Variants in PRR5 observed in about 807,000 individuals in gnomAD.
PRR5 encodes proline-rich protein 5.
PRR5 carries 25 observed loss-of-function variants against 30.6 expected under a neutral mutation model. The ratio of observed to expected loss-of-function variants is 0.82; its 90% CI spans 0.60 to 1.14. The LOEUF is 1.14. PRR5 is among the 50% of genes most tolerant of loss of function. PRR5 has a pLI of 0.00. For missense variants in PRR5, 600 were observed against 547.1 expected, an observed-to-expected ratio of 1.10 and a Z score of -0.96; for synonymous variants, 286 against 247.1, an observed-to-expected ratio of 1.16 and a Z score of -1.48.
At chr22:44,707,599 C>T (rs1053516672) in intron 1 of PRR5, among the ~76,000 whole-genome samples, 3 of 152,230 alleles carry the variant, frequency 2.0e-5, no homozygotes, top group Non-Finnish European at 4.4e-5. Context: ...CCAAAAGATG[C>T]CCCAGACCCA....
At chr22:44,695,351 G>A (rs1925649393) in intron 1 of PRR5, among the ~76,000 whole-genome samples, 2 of 152,184 alleles carry the variant, frequency 1.3e-5, no homozygotes, top group Non-Finnish European at 2.9e-5. Flanking sequence ...ATTGTTTTGA[G>A]ATAATTGTCC....
In PRR5 at chr22:44,702,405, C is replaced by A. The variant is rs1926464294; in HGVS notation, c.-70C>A. Reference sequence around the variant, plus strand: ...AGAGGGCGCATCGCCGGCCCGGGGCCCTTGGTGCGGCGTGGCGCAGGGCGC... The same window carrying A: ...AGAGGGCGCATCGCCGGCCCGGGGCACTTGGTGCGGCGTGGCGCAGGGCGC... On this transcript the variant is annotated 5_prime_UTR_variant, in exon 1 of 8. Transcript: ENST00000336985. 3 of 1,231,516 alleles carry A rather than the reference C, an allele frequency of 2.4e-6. No homozygotes were observed. Among genetic ancestry groups the A allele is most frequent in the Non-Finnish European group, 3.0e-6 (3 of 985,316 alleles). The allele number at this position is 1,231,516 out of a possible 1,614,324, so 76.3% of individuals were successfully genotyped here.
At chr22:44,729,800 C>T (rs73173644) in intron 4 of PRR5, 32,041 of 985,484 alleles carry the variant, frequency 0.033, 573 homozygotes, top group Non-Finnish European at 0.036. Flanking sequence ...GCATTTCCGC[C>T]CCGTGGGCTG....
intron 4 of PRR5, chr22:44,731,380 C>CA (rs1158577828): frequency 2.6e-6 from 1 of 386,332 alleles, no homozygotes; most frequent in East Asian, 5.5e-5. Flanking sequence ...GTGTGGCTCT[C>CA]ACTTGTGTGG....
At chr22:44,675,681 G>C (rs1051517914), upstream of PRR5, among the ~76,000 whole-genome samples, 4 of 152,114 alleles carry the variant, frequency 2.6e-5, no homozygotes, top group Admixed American at 6.6e-5. Context: ...GTTCTGGGAG[G>C]AGTAAACGAG....
chr22:44,737,228 G>C lies in PRR5; in HGVS notation c.1148G>C (p.Gly383Ala). 3.1e-6 allele frequency: 5 copies of C among 1,604,010 alleles called. No individual in the cohort carries two copies. The highest frequency in any genetic ancestry group is 3.4e-6 in the Non-Finnish European group (4 of 1,173,242). ...SGMSDLEGSG[G>A]RQSVV The stretch of plus-strand genomic sequence containing the variant: ...ATGTCCGACTTGGAGGGCTCTGGGG[G>C]CCGGCAGAGTGTCGTGTGAGGCCTC... Residue 383 changes from glycine to alanine, a missense_variant, in exon 8 of 8, where the codon GGC (glycine) becomes GCC (alanine). Transcript: ENST00000336985.
intron 1 of PRR5, chr22:44,679,908 C>T: frequency 6.4e-7 from 1 of 1,558,250 alleles, no homozygotes. Flanking sequence ...CGAAGGGTGG[C>T]TACGAGGGAG....
intron 4 of PRR5, among the ~76,000 whole-genome samples, chr22:44,728,156 A>G (rs3761474): frequency 0.34 from 51,967 of 152,070 alleles, 10,016 homozygotes; most frequent in African/African-American, 0.52. Context: ...GGGGCAGAGG[A>G]CAGCCCTGGG....
intron 4 of PRR5, 63 bp from the exon 5 acceptor site, chr22:44,731,667 G>A (rs1484313173): frequency 1.3e-6 from 2 of 1,539,080 alleles, no homozygotes; most frequent in Non-Finnish European, 1.8e-6. Flanking sequence ...GACCCATCCT[G>A]GGTGAGTGGA....
intron 6 of PRR5, 151 bp from the exon 7 acceptor site, chr22:44,734,876 G>A (rs1160331228): frequency 3.6e-6 from 4 of 1,117,834 alleles, no homozygotes; most frequent in South Asian, 1.5e-5. Flanking sequence ...GGAGGCCACC[G>A]TGGGCCCTGC....
intron 2 of PRR5, among the ~76,000 whole-genome samples, chr22:44,721,721 A>G (rs566508065): frequency 1.3e-5 from 2 of 152,272 alleles, no homozygotes; most frequent in East Asian, 1.9e-4. Flanking sequence ...GTATGTTCAC[A>G]TGGATCTCAG....
At chr22:44,700,798 C>T (rs1384151689), upstream of PRR5, among the ~76,000 whole-genome samples, 1 of 152,178 alleles carries the variant, frequency 6.6e-6, no homozygotes, top group Non-Finnish European at 1.5e-5. Flanking sequence ...GTCTGGAACA[C>T]AGGAGGTACT....
At position 44,737,051 on chromosome 22, in the gene PRR5, C is replaced by G. The variant is rs1248196094; in HGVS notation, c.971C>G (p.Pro324Arg). Residue 324 changes from proline (P) to arginine (R), a missense_variant, in exon 8 of 8, where the codon CCC (proline) becomes CGC (arginine). Pro to Arg is a moderately radical substitution (Grantham distance 103). Coordinates refer to ENST00000336985, the MANE Select transcript of PRR5 (RefSeq NM_181333.4). The part of the protein sequence containing the change: ...HSGPCPSRLY[P>R]TTQPPEQGLD... ...GGGCCCTGCCCCAGCAGACTGTACC[C>G]CACGACCCAGCCCCCTGAGCAGGGC... is the stretch of plus-strand genomic sequence containing the variant. 14 of 1,608,044 alleles carry G rather than the reference C, an allele frequency of 8.7e-6. 1 individual carries two copies. Among genetic ancestry groups the G allele is most frequent in the Non-Finnish European group, 1.0e-5 (12 of 1,178,090 alleles).
At chr22:44,730,750 A>G (rs766900277) in intron 4 of PRR5, 256 of 862,248 alleles carry the variant, frequency 3.0e-4, no homozygotes, top group South Asian at 1.0e-3. Context: ...TGGTGCTGCT[A>G]TTGGAAGGGG....
At chr22:44,724,402 T>C (rs920635768) in intron 2 of PRR5, among the ~76,000 whole-genome samples, 3 of 151,856 alleles carry the variant, frequency 2.0e-5, no homozygotes, top group Non-Finnish European at 2.9e-5. Flanking sequence ...GCCACTGTAC[T>C]CCAGCCTGGG....
intron 1 of PRR5, among the ~76,000 whole-genome samples, chr22:44,712,146 G>A (rs570675265): frequency 3.3e-5 from 5 of 152,200 alleles, no homozygotes; most frequent in Admixed American, 6.5e-5. Flanking sequence ...TAGGGGTGGC[G>A]CTCTCACGAT....
chr22:44,684,801 G>T (rs1367970045), intron 1 of PRR5, among the ~76,000 whole-genome samples: 2 of 152,266 alleles, frequency 1.3e-5, no homozygotes, highest in East Asian at 3.8e-4. Flanking sequence ...GCTCTGGTCT[G>T]TGCTCCACTT....
chr22:44,705,755 G>A (rs745349740), intron 1 of PRR5, among the ~76,000 whole-genome samples: 52 of 151,998 alleles, frequency 3.4e-4, no homozygotes, highest in Non-Finnish European at 6.9e-4. Context: ...CTCCCTAATA[G>A]CTGGGATTAC....
At chr22:44,710,453 C>G (rs1044457394) in intron 1 of PRR5, among the ~76,000 whole-genome samples, 2 of 152,160 alleles carry the variant, frequency 1.3e-5, no homozygotes, top group Non-Finnish European at 2.9e-5. Flanking sequence ...GGTCATGGGC[C>G]GTTTCCACTC....
Sources: allele counts gnomAD v4.1 joint callset (sites outside exome capture counted in the v4.1 genomes callset), GRCh38; gene constraint gnomAD v4.1.1; transcripts MANE v1.5; gene names NCBI Gene and HGNC (gene_info 2026-07-23, HGNC 2026-07-21).